Variants in SNX5 observed in about 807,000 individuals in gnomAD.
SNX5 encodes the protein sorting nexin 5.
Under a neutral mutation model 53.9 loss-of-function variants are expected in SNX5, and 31 were observed. The ratio of observed to expected loss-of-function variants is 0.58; its 90% confidence interval spans 0.43 to 0.78. The LOEUF is 0.78. Ranked by LOEUF, SNX5 falls within the 30% of genes least tolerant of loss-of-function variation. The probability of loss-of-function intolerance (pLI) is 0.00; values close to 1 mark genes in which losing one functional copy is unlikely to be tolerated. For synonymous variants in SNX5, 168 were observed against 171.1 expected (o/e 0.98, Z 0.14); for missense variants, 471 against 478.8 (o/e 0.98, Z 0.15).
chr20:17,965,217 A>G (rs1010297165), intron 1 of SNX5, among the ~76,000 whole-genome samples: 11 of 148,576 alleles, frequency 7.4e-5, no homozygotes, highest in Admixed American at 2.7e-4. Context: ...TCACCATGGG[A>G]GGGGAGGAGG....
intron 1 of SNX5, chr20:17,962,260 A>T (rs2035466709): frequency 6.7e-6 from 1 of 148,610 alleles, no homozygotes; most frequent in African/African-American, 2.6e-5. Context: ...GTGCAGTGGC[A>T]CAGTCTCAGC....
At chr20:17,953,670 A>G (rs1251796949) in intron 4 of SNX5, among the ~76,000 whole-genome samples, 1 of 152,240 alleles carries the variant, frequency 6.6e-6, no homozygotes, top group African/African-American at 2.4e-5. Context: ...AGCTTTGTAC[A>G]TTATGAGCAA....
intron 1 of SNX5, 45 bp from the exon 2 acceptor site, chr20:17,957,082 T>TA (rs1389857835): frequency 9.0e-7 from 1 of 1,115,938 alleles, no homozygotes; most frequent in African/African-American, 1.5e-5. Context: ...CATTTGGCCC[T>TA]AAAAAATTAT....
At position 17,952,665 on chromosome 20, in the gene SNX5, G is replaced by T; in HGVS notation, c.435C>A (p.Val145=). ...VFKKTVSSHE[V]FLQRLSSHPV... is the part of the protein sequence containing the mutation. ...GGTGAGAAGAAAGCCGCTGAAGAAA[G>T]ACTTCATGGGAGGACACAGTCTTCT... The change falls in exon 5 of 13, where the codon GTC becomes GTA. Residue 145 remains valine, a synonymous_variant. Coordinates refer to ENST00000377759, the MANE Select transcript of SNX5 (RefSeq NM_014426.4). The T allele has an allele frequency of 6.2e-7, 1 of 1,614,070 alleles. No homozygotes were observed. Among genetic ancestry groups the T allele is most frequent in the Non-Finnish European group, 8.5e-7 (1 of 1,179,990 alleles).
chr20:17,963,265 C>T (rs2035487168), intron 1 of SNX5, among the ~76,000 whole-genome samples: 2 of 151,950 alleles, frequency 1.3e-5, no homozygotes, highest in African/African-American at 2.4e-5. Flanking sequence ...GGATCGCCCG[C>T]GGCCAGGAGT....
chr20:17,942,363 A>T lies in SNX5; in HGVS notation c.1209T>A (p.Asn403Lys). 1 of 1,605,836 alleles carries T rather than the reference A, an allele frequency of 6.2e-7. No individual in the cohort carries two copies. Among genetic ancestry groups the T allele is most frequent in the Non-Finnish European group, 8.5e-7 (1 of 1,172,502 alleles). The change falls in exon 13 of 13, where the codon AAT (asparagine) becomes AAA (lysine). Residue 403 changes from asparagine (N) to lysine (K), a missense_variant. Physicochemically the swap from Asn to Lys is moderately conservative, Grantham distance 94. Coordinates refer to ENST00000377759, the MANE Select transcript of SNX5 (RefSeq NM_014426.4). The part of the protein sequence containing the change: ...LLQSCIDLFK[N>K]N ...TCTTCTGAGTGAAGGCATATCAGTT[A>T]TTCTTGAACAAGTCAATACAGCTCT...
intron 4 of SNX5, 80 bp from the exon 5 acceptor site, chr20:17,952,790 C>T: frequency 6.6e-7 from 1 of 1,513,644 alleles, no homozygotes; most frequent in African/African-American, 1.4e-5. Flanking sequence ...AATTCTATGG[C>T]CCTGCTCATG....
At chr20:17,966,675 G>C (rs1420869361) in intron 1 of SNX5, among the ~76,000 whole-genome samples, 1 of 152,184 alleles carries the variant, frequency 6.6e-6, no homozygotes, top group Non-Finnish European at 1.5e-5. Context: ...TCCTTAGGGA[G>C]AATTCCAAAC....
At chr20:17,965,232 G>A (rs1034614000) in intron 1 of SNX5, among the ~76,000 whole-genome samples, 1 of 152,162 alleles carries the variant, frequency 6.6e-6, no homozygotes, top group African/African-American at 2.4e-5. Flanking sequence ...AGGAGGCCGC[G>A]TCCTAGCAGA....
intron 2 of SNX5, 52 bp downstream of exon 2, chr20:17,956,881 A>AC (rs2035370293): frequency 1.1e-6 from 1 of 924,626 alleles, no homozygotes; most frequent in Middle Eastern, 3.2e-4. Context: ...TCCACTGTGA[A>AC]TAACAAGGCT....
chr20:17,961,639 A>G (rs1228166126), intron 1 of SNX5: 10 of 984,516 alleles, frequency 1.0e-5, no homozygotes, highest in Non-Finnish European at 1.2e-5. Context: ...ATCTATTTAA[A>G]TGACTTCCTA....
chr20:17,946,163 C>T (rs552695819), intron 11 of SNX5, among the ~76,000 whole-genome samples: 1 of 152,292 alleles, frequency 6.6e-6, no homozygotes, highest in African/African-American at 2.4e-5. Context: ...CAAGAAAGAA[C>T]CCTATGGATG....
At chr20:17,961,802 A>C (rs539814357) in intron 1 of SNX5, 2 of 985,442 alleles carry the variant, frequency 2.0e-6, no homozygotes, top group South Asian at 4.7e-5. Context: ...CAAGAGGGCC[A>C]ATATGACAAA....
At chr20:17,961,671 G>A (rs2035452608) in intron 1 of SNX5, 1 of 984,450 alleles carries the variant, frequency 1.0e-6, no homozygotes. Flanking sequence ...AAAAGCAGAA[G>A]ATATGTACTT....
Position 17,952,725 on chromosome 20 carries a change from G to C in SNX5, c.390-15C>G. ...CGAGATACTCACTGAAAAGAGATGT[G>C]CACATGGCATTCAGTTGACACAGCT... On this transcript the variant is annotated splice_polypyrimidine_tract_variant and intron_variant, in intron 4 of 12. Transcript: ENST00000377759. 6.3e-7 allele frequency: 1 copy of C among 1,583,860 alleles called. No individual in the cohort carries two copies. Among genetic ancestry groups the C allele is most frequent in the Non-Finnish European group, 8.6e-7 (1 of 1,164,194 alleles).
At chr20:17,960,826 CA>C (rs2035435424) in intron 1 of SNX5, among the ~76,000 whole-genome samples, 1 of 151,228 alleles carries the variant, frequency 6.6e-6, no homozygotes, top group South Asian at 2.1e-4. Context: ...CCAGCCTGAG[CA>C]AAACGGTGAG....
intron 2 of SNX5, among the ~76,000 whole-genome samples, chr20:17,956,485 T>C (rs537410863): frequency 1.0e-3 from 157 of 151,944 alleles, no homozygotes; most frequent in African/African-American, 3.7e-3. Flanking sequence ...TCCCAGCACT[T>C]TGGGAAGCTG....
intron 12 of SNX5, 163 bp downstream of exon 12, chr20:17,942,944 AAAC>A (rs2039437574): frequency 1.7e-6 from 1 of 599,508 alleles, no homozygotes; most frequent in South Asian, 2.3e-5. Flanking sequence ...GTGACATTAT[AAAC>A]AAGACTACAA....
At chr20:17,962,834 C>T (rs1446934629) in intron 1 of SNX5, 1 of 519,068 alleles carries the variant, frequency 1.9e-6, no homozygotes, top group African/African-American at 1.9e-5. Context: ...ACACTGCAGA[C>T]TGCAGGGCAT....
Sources: allele counts gnomAD v4.1 joint callset (sites outside exome capture counted in the v4.1 genomes callset), GRCh38; gene constraint gnomAD v4.1.1; transcripts MANE v1.5; gene names NCBI Gene and HGNC (gene_info 2026-07-23, HGNC 2026-07-21).